Variants in CEP192 observed in about 807,000 individuals in gnomAD.
CEP192 encodes centrosomal protein of 192 kDa.
CEP192 carries 151 observed loss-of-function variants against 271.8 expected under a neutral mutation model. The ratio of observed to expected loss-of-function variants is 0.56; its 90% CI spans 0.49 to 0.64. The LOEUF (loss-of-function observed/expected upper bound fraction) is 0.64, where lower values mean the gene tolerates loss of function less well. Ranked by LOEUF, CEP192 falls within the 30% of genes least tolerant of loss-of-function variation. CEP192 has a pLI of 0.00. For missense variants in CEP192, 2,910 were observed against 3,020.5 expected, an observed-to-expected ratio of 0.96 and a Z score of 0.86; for synonymous variants, 995 against 1,076.5, an observed-to-expected ratio of 0.92 and a Z score of 1.48.
At position 13,049,401 on chromosome 18, in the gene CEP192, A is replaced by G. The variant is rs1261166321; in HGVS notation, c.2610A>G (p.Arg870=). Residue 870 remains arginine, a synonymous_variant, in exon 16 of 45, where the codon AGA becomes AGG. Transcript: ENST00000506447. ...ACTCCTCAAATTCAGTTACAAATAGAGAGAATAACAGTGCAGTAGTTGATG... is the reference window on the plus strand; with the variant it reads ...ACTCCTCAAATTCAGTTACAAATAGGGAGAATAACAGTGCAGTAGTTGATG... ...TINSSNSVTN[R]ENNSAVVDVK... The G allele has an allele frequency of 6.2e-7, 1 of 1,614,044 alleles. No individual in the cohort carries two copies. Among genetic ancestry groups the G allele is most frequent in the Non-Finnish European group, 8.5e-7 (1 of 1,179,912 alleles).
chr18:13,003,170 A>T (rs559560922), intron 3 of CEP192, among the ~76,000 whole-genome samples: 16 of 152,110 alleles, frequency 1.1e-4, no homozygotes, highest in Non-Finnish European at 1.8e-4. Context: ...ATATGAGCCA[A>T]GGGCATGATG....
At chr18:13,096,366 T>C in intron 36 of CEP192, 59 bp downstream of exon 36, 3 of 1,582,076 alleles carry the variant, frequency 1.9e-6, no homozygotes, top group Middle Eastern at 3.4e-4. Context: ...GGTGACTTTC[T>C]AAAGATCAAA....
Position 13,100,504 on chromosome 18 carries a change from A to T in CEP192, c.6863A>T (p.Glu2288Val). 1 of 1,608,422 alleles carries T rather than the reference A, an allele frequency of 6.2e-7. No individual in the cohort carries two copies. The highest frequency in any genetic ancestry group is 8.5e-7 in the Non-Finnish European group (1 of 1,175,444). The stretch of plus-strand genomic sequence containing the variant: ...ACTTTTCCTACAACAGAACCTGGTG[A>T]AACTTCAGGTATTGTATCACAAAAT... ...SITFPTTEPG[E>V]TSESCLELEN... The change falls in exon 38 of 45, where the codon GAA becomes GTA. Residue 2288 changes from glutamate (E) to valine (V), a missense_variant. Glu to Val is a moderately radical substitution (Grantham distance 121). Coordinates refer to ENST00000506447, the MANE Select transcript of CEP192 (RefSeq NM_032142.4).
At chr18:13,062,930 A>G (rs571938838) in intron 21 of CEP192, among the ~76,000 whole-genome samples, 2 of 152,238 alleles carry the variant, frequency 1.3e-5, no homozygotes, top group South Asian at 4.1e-4. Context: ...TATGTCTGTA[A>G]GTTCAATTGA....
intron 36 of CEP192, among the ~76,000 whole-genome samples, chr18:13,099,066 G>A (rs1434667937): frequency 6.6e-6 from 1 of 151,966 alleles, no homozygotes; most frequent in Non-Finnish European, 1.5e-5. Context: ...TGCAATCGCA[G>A]GCACTCGGCA....
At chr18:13,034,921 C>T (rs984079078) in intron 11 of CEP192, among the ~76,000 whole-genome samples, 8 of 152,010 alleles carry the variant, frequency 5.3e-5, no homozygotes, top group African/African-American at 1.2e-4. Context: ...GCATTGCTGC[C>T]GCTTATGACC....
At chr18:13,095,776 T>C in intron 35 of CEP192, 95 bp downstream of exon 35, 1 of 1,059,974 alleles carries the variant, frequency 9.4e-7, no homozygotes, top group Non-Finnish European at 1.4e-6. Context: ...ACACATGGGC[T>C]CCTGCACATT....
At chr18:13,124,458 C>A in intron 44 of CEP192, 174 bp from the exon 45 acceptor site, 1 of 538,844 alleles carries the variant, frequency 1.9e-6, no homozygotes, top group Admixed American at 3.4e-5. Context: ...TTTTTCTCTC[C>A]TTTGTGTTAT....
intron 34 of CEP192, 108 bp downstream of exon 34, chr18:13,092,635 A>T (rs2039201670): frequency 1.2e-6 from 1 of 827,016 alleles, no homozygotes; most frequent in Admixed American, 3.1e-5. Flanking sequence ...TTGTCTCAAA[A>T]TTTTTATTTC....
At chr18:13,113,117 C>G (rs7244672) in intron 40 of CEP192, among the ~76,000 whole-genome samples, 5,362 of 152,242 alleles carry the variant, frequency 0.035, 290 homozygotes, top group African/African-American at 0.12. Context: ...GAGCGTCTGG[C>G]GCTTGTCTTG....
At chr18:13,107,935 G>A (rs139415199) in intron 40 of CEP192, among the ~76,000 whole-genome samples, 63 of 147,830 alleles carry the variant, frequency 4.3e-4, no homozygotes, top group African/African-American at 1.4e-3. Context: ...CAGCATGGTA[G>A]CAAAACAAAA....
intron 1 of CEP192, among the ~76,000 whole-genome samples, chr18:12,996,122 A>C (rs2033216663): frequency 1.3e-5 from 2 of 150,568 alleles, no homozygotes; most frequent in African/African-American, 4.9e-5. Flanking sequence ...AGACTAGGGG[A>C]GGCAGAGAGG....
intron 28 of CEP192, 126 bp from the exon 29 acceptor site, chr18:13,072,629 T>C: frequency 1.5e-6 from 1 of 676,936 alleles, no homozygotes; most frequent in Non-Finnish European, 2.6e-6. Context: ...AATTCCAGGC[T>C]ACTGAAATGG....
chr18:13,001,997 C>T (rs187456825), intron 3 of CEP192, among the ~76,000 whole-genome samples: 12 of 152,300 alleles, frequency 7.9e-5, no homozygotes, highest in East Asian at 1.9e-4. Context: ...GAATTGTAGG[C>T]GTGAGCCACC....
chr18:13,082,432 CTT>C (rs57663388), intron 30 of CEP192, among the ~76,000 whole-genome samples: 143 of 49,922 alleles, frequency 2.9e-3, no homozygotes, highest in African/African-American at 0.013. Context: ...GCAACCCCTG[CTT>C]TTTTTTTTTT....
intron 21 of CEP192, 142 bp downstream of exon 21, chr18:13,059,454 T>C (rs975063293): frequency 3.2e-6 from 2 of 625,984 alleles, no homozygotes; most frequent in African/African-American, 3.7e-5. Context: ...GTTCTTAATA[T>C]CTTTTTATTT....
chr18:13,027,171 G>C (rs1169593221), intron 9 of CEP192, among the ~76,000 whole-genome samples: 1 of 152,116 alleles, frequency 6.6e-6, no homozygotes, highest in East Asian at 1.9e-4. Flanking sequence ...AGCTGGAGTT[G>C]GGTATTTAAC....
chr18:12,997,419 C>T (rs2033324011), intron 1 of CEP192, among the ~76,000 whole-genome samples: 1 of 152,136 alleles, frequency 6.6e-6, no homozygotes, highest in African/African-American at 2.4e-5. Context: ...GAAACAAAGA[C>T]AATTATTCAA....
At chr18:13,018,975 C>G in intron 8 of CEP192, 107 bp from the exon 9 acceptor site, 1 of 1,074,870 alleles carries the variant, frequency 9.3e-7, no homozygotes, top group Non-Finnish European at 1.3e-6. Flanking sequence ...CATAGGAGTG[C>G]TAAGTATTAG....
Sources: gnomAD v4.1 joint callset for allele counts (sites outside exome capture counted in the v4.1 genomes callset) on GRCh38, gnomAD v4.1.1 for gene constraint, MANE v1.5 for transcripts, NCBI Gene and HGNC (gene_info 2026-07-23, HGNC 2026-07-21) for gene names.